DUSP28: variants seen among roughly 807,000 people sequenced by gnomAD.
The protein encoded by DUSP28 is dual specificity phosphatase 28.
Under a neutral mutation model 8.4 loss-of-function variants are expected in DUSP28, and 11 were observed. The observed-to-expected ratio is 1.31, with a 90% confidence interval of 0.83 to 2.17. The LOEUF (loss-of-function observed/expected upper bound fraction) is 2.17. Ranked by LOEUF, DUSP28 falls within the 30% of genes most tolerant of loss-of-function variation. The pLI is 0.00. For missense variants in DUSP28, 373 were observed against 270.4 expected, an observed-to-expected ratio of 1.38 and a Z score of -2.66; for synonymous variants, 178 against 130.9, an observed-to-expected ratio of 1.36 and a Z score of -2.46.
In DUSP28 at chr2:240,561,629, T is replaced by G. The variant is rs1322236738; in HGVS notation, c.*162T>G. 5 of 955,182 alleles carry G rather than the reference T, an allele frequency of 5.2e-6. No individual in the cohort carries two copies. In the South Asian group the frequency reaches 1.1e-4, roughly 22 times the overall value. 59.2% of individuals were successfully genotyped at this position (955,182 alleles called of 1,614,324 possible). ...ATTTCCGGCTGAGGTGATGCACAAA[T>G]TATCTTACAGACACAAAAAGAAATA... On this transcript the variant is annotated 3_prime_UTR_variant, in exon 2 of 2. Transcript: ENST00000405954.
Position 240,561,540 on chromosome 2 carries a change from C to T in DUSP28, c.*73C>T. The T allele has an allele frequency of 6.6e-7, 1 of 1,510,950 alleles. No homozygotes were observed. The highest frequency in any genetic ancestry group is 8.8e-7 in the Non-Finnish European group (1 of 1,130,730). The allele number at this position is 1,510,950 out of a possible 1,614,324, so 93.6% of individuals were successfully genotyped here. On this transcript the variant is annotated 3_prime_UTR_variant, in exon 2 of 2. Coordinates refer to ENST00000405954, the MANE Select transcript of DUSP28 (RefSeq NM_001370465.2). Reference sequence around the variant, plus strand: ...AGAAGGCTGGTCTTTACCCTTCTTCCTCACTGTCATATCGAGTTTTCCTTT... The same window carrying T: ...AGAAGGCTGGTCTTTACCCTTCTTCTTCACTGTCATATCGAGTTTTCCTTT...
Position 240,560,547 on chromosome 2 carries a change from C to T in DUSP28, c.-138C>T. 2 of 1,230,724 alleles carry T rather than the reference C, an allele frequency of 1.6e-6. No homozygotes were observed. Among genetic ancestry groups the T allele is most frequent in the Non-Finnish European group, 2.1e-6 (2 of 963,336 alleles). 76.2% of individuals were successfully genotyped at this position (1,230,724 alleles called of 1,614,324 possible). On this transcript the variant is annotated 5_prime_UTR_variant, in exon 1 of 2. Transcript: ENST00000405954. Reference sequence around the variant, plus strand: ...CGCCCGCGGGGGACCCAAGCCCCAGCCTGGTCCACCTCGGAGGCCTCTAGG... The same window carrying T: ...CGCCCGCGGGGGACCCAAGCCCCAGTCTGGTCCACCTCGGAGGCCTCTAGG...
In DUSP28 at chr2:240,561,597, AT is replaced by A; in HGVS notation, c.*134del. 1 of 1,220,530 alleles carries A rather than the reference AT, an allele frequency of 8.2e-7. No homozygotes were observed. The highest frequency in any genetic ancestry group is 1.1e-6 in the Non-Finnish European group (1 of 926,056). The allele number at this position is 1,220,530 out of a possible 1,614,324, so 75.6% of individuals were successfully genotyped here. ...GTGTGTGTGAAACATAGTGCTTTTAATTTTATATTTCCGGCTGAGGTGATGC... is the reference window on the plus strand; with the variant it reads ...GTGTGTGTGAAACATAGTGCTTTTAATTTATATTTCCGGCTGAGGTGATGC... On this transcript the variant is annotated 3_prime_UTR_variant, in exon 2 of 2. Transcript: ENST00000405954.
In DUSP28 at chr2:240,560,444, C is replaced by T. The variant is rs2092869735; in HGVS notation, c.-241C>T. ...ACATGGGACGCAGAGCGGTCCAAGG[C>T]CCCGGCGCCCTGGTGAGGCCCAAAC... On this transcript the variant is annotated 5_prime_UTR_variant, in exon 1 of 2. Coordinates refer to ENST00000405954, the MANE Select transcript of DUSP28 (RefSeq NM_001370465.2). 2 of 478,720 alleles carry T rather than the reference C, an allele frequency of 4.2e-6. No homozygotes were observed. The highest frequency in any genetic ancestry group is 6.6e-6 in the Non-Finnish European group (2 of 301,048). The allele number at this position is 478,720 out of a possible 1,614,324, so 29.7% of individuals were successfully genotyped here.
In DUSP28 at chr2:240,561,318, T is replaced by A; in HGVS notation, c.394-12T>A. 1 of 1,613,786 alleles carries A rather than the reference T, an allele frequency of 6.2e-7. No individual in the cohort carries two copies. Among genetic ancestry groups the A allele is most frequent in the Non-Finnish European group, 8.5e-7 (1 of 1,180,014 alleles). ...GCGACTTGGGGTTATTCAGTACACT[T>A]CTTGTTTGCAGATGGTGAAGAGCGC... On this transcript the variant is annotated splice_polypyrimidine_tract_variant and intron_variant, in intron 1 of 1. Coordinates refer to ENST00000405954, the MANE Select transcript of DUSP28 (RefSeq NM_001370465.2).
At position 240,561,052 on chromosome 2, in the gene DUSP28, G is replaced by C; in HGVS notation, c.368G>C (p.Gly123Ala). ...VCTAYLMRHRGLSLAKAFQMV... is the reference protein window; with the variant it reads ...VCTAYLMRHRALSLAKAFQMV... ...ACCGCGTACCTCATGCGGCACCGCG[G>C]CCTCAGCCTGGCGAAGGCCTTCCAG... Residue 123 changes from glycine (G) to alanine (A), a missense_variant, in exon 1 of 2, where the codon GGC (glycine) becomes GCC (alanine). Coordinates refer to ENST00000405954, the MANE Select transcript of DUSP28 (RefSeq NM_001370465.2). The C allele has an allele frequency of 1.3e-6, 2 of 1,502,796 alleles. No homozygotes were observed. Among genetic ancestry groups the C allele is most frequent in the African/African-American group, 1.4e-5 (1 of 71,680 alleles). 93.1% of individuals were successfully genotyped at this position (1,502,796 alleles called of 1,614,324 possible). A position where few individuals can be genotyped will look rare whatever the true frequency, so the allele number is the denominator to read the frequency against.
chr2:240,560,828 C>T lies in DUSP28; in HGVS notation c.144C>T (p.Cys48=), dbSNP rs1423593735. Residue 48 remains cysteine, a synonymous_variant, in exon 1 of 2, where the codon TGC becomes TGT. Transcript: ENST00000405954. ...TGGCGCGCGCGGGAGTCACGCTGTG[C>T]GTCAACGTCTCCCGCCAGCAGCCCG... ...EQLARAGVTL[C]VNVSRQQPGP... is the part of the protein sequence containing the mutation. 4 of 1,418,488 alleles carry T rather than the reference C, an allele frequency of 2.8e-6. No homozygotes were observed. 87.9% of individuals were successfully genotyped at this position (1,418,488 alleles called of 1,614,324 possible). A position where few individuals can be genotyped will look rare whatever the true frequency, so the allele number is the denominator to read the frequency against.
At position 240,560,973 on chromosome 2, in the gene DUSP28, G is replaced by A; in HGVS notation, c.289G>A (p.Gly97Ser). The part of the protein sequence containing the change: ...AAMEAAVRAG[G>S]ACLVYCKNGR... ...CATGGAGGCCGCGGTGCGCGCCGGC[G>A]GCGCCTGCCTAGTCTACTGCAAGAA... Residue 97 changes from glycine (G) to serine (S), a missense_variant, in exon 1 of 2, where the codon GGC becomes AGC. Gly to Ser is a moderately conservative substitution (Grantham distance 56). Transcript: ENST00000405954. The A allele has an allele frequency of 1.3e-6, 2 of 1,519,002 alleles. No individual in the cohort carries two copies. Among genetic ancestry groups the A allele is most frequent in the East Asian group, 2.7e-5 (1 of 37,560 alleles). The allele number at this position is 1,519,002 out of a possible 1,614,324, so 94.1% of individuals were successfully genotyped here. A position where few individuals can be genotyped will look rare whatever the true frequency, so the allele number is the denominator to read the frequency against.
chr2:240,560,721 T>C lies in DUSP28; in HGVS notation c.37T>C (p.Ser13Pro). 3 of 1,525,132 alleles carry C rather than the reference T, an allele frequency of 2.0e-6. No individual in the cohort carries two copies. The highest frequency in any genetic ancestry group is 2.6e-6 in the Non-Finnish European group (3 of 1,148,354). 94.5% of individuals were successfully genotyped at this position (1,525,132 alleles called of 1,614,324 possible). Residue 13 changes from serine (S) to proline (P), a missense_variant, in exon 1 of 2, where the codon TCG becomes CCG. Coordinates refer to ENST00000405954, the MANE Select transcript of DUSP28 (RefSeq NM_001370465.2). ...PAEAGRRGAA[S>P]PVPPPLVRVA... is the part of the protein sequence containing the mutation. ...AGAAGCTGGGCGCCGCGGGGCCGCC[T>C]CGCCCGTACCTCCACCGTTGGTGCG...
At position 240,562,571 on chromosome 2, in the gene DUSP28, T is replaced by C. The variant is rs548487016; in HGVS notation, c.*1104T>C. ...TGGTAGATTATAATATTTCCAGGGA[T>C]AACAGTGTGGCACACAGATAACAGG... On this transcript the variant is annotated 3_prime_UTR_variant, in exon 2 of 2. Coordinates refer to ENST00000405954, the MANE Select transcript of DUSP28 (RefSeq NM_001370465.2). 3.1e-4 allele frequency: 47 copies of C among 152,342 alleles called. No individual in the cohort carries two copies. The highest frequency in any genetic ancestry group is 1.1e-3 in the African/African-American group (46 of 41,584). The allele number at this position is 152,342 out of a possible 1,614,324, so 9.4% of individuals were successfully genotyped here. A position where few individuals can be genotyped will look rare whatever the true frequency, so the allele number is the denominator to read the frequency against.
chr2:240,561,519 G>A lies in DUSP28; in HGVS notation c.*52G>A, dbSNP rs772520331. On this transcript the variant is annotated 3_prime_UTR_variant, in exon 2 of 2. Coordinates refer to ENST00000405954, the MANE Select transcript of DUSP28 (RefSeq NM_001370465.2). ...AGGATGTCCCTGCACTGATACAGAAGGCTGGTCTTTACCCTTCTTCCTCAC... is the reference window on the plus strand; with the variant it reads ...AGGATGTCCCTGCACTGATACAGAAAGCTGGTCTTTACCCTTCTTCCTCAC... The A allele has an allele frequency of 2.5e-5, 39 of 1,564,002 alleles. No individual in the cohort carries two copies. Among genetic ancestry groups the A allele is most frequent in the Non-Finnish European group, 3.4e-5 (39 of 1,156,374 alleles).
At position 240,561,487 on chromosome 2, in the gene DUSP28, T is replaced by C. The variant is rs751173364; in HGVS notation, c.*20T>C. 6.2e-7 allele frequency: 1 copy of C among 1,608,070 alleles called. No individual in the cohort carries two copies. The highest frequency in any genetic ancestry group is 2.2e-5 in the East Asian group (1 of 44,768). ...GCTTGAAGCTTGAAGGCCTGCTGCC[T>C]GGAGGAAGGATGTCCCTGCACTGAT... On this transcript the variant is annotated 3_prime_UTR_variant, in exon 2 of 2. Transcript: ENST00000405954.
chr2:240,560,979 T>C lies in DUSP28; in HGVS notation c.295T>C (p.Cys99Arg), dbSNP rs762702910. 6.5e-7 allele frequency: 1 copy of C among 1,529,894 alleles called. No homozygotes were observed. The highest frequency in any genetic ancestry group is 8.7e-7 in the Non-Finnish European group (1 of 1,151,902). 94.8% of individuals were successfully genotyped at this position (1,529,894 alleles called of 1,614,324 possible). Residue 99 changes from cysteine (C) to arginine (R), a missense_variant, in exon 1 of 2, where the codon TGC (cysteine) becomes CGC (arginine). Physicochemically the swap from Cys to Arg is radical, Grantham distance 180. Transcript: ENST00000405954. ...MEAAVRAGGA[C>R]LVYCKNGRSR... Reference sequence around the variant, plus strand: ...GGCCGCGGTGCGCGCCGGCGGCGCCTGCCTAGTCTACTGCAAGAACGGCCG... The same window carrying C: ...GGCCGCGGTGCGCGCCGGCGGCGCCCGCCTAGTCTACTGCAAGAACGGCCG...
At position 240,564,453 on chromosome 2, in the gene DUSP28, G is replaced by GTC. The variant is rs1273209020; in HGVS notation, c.*2988_*2989dup. On this transcript the variant is annotated 3_prime_UTR_variant, in exon 2 of 2. Coordinates refer to ENST00000405954, the MANE Select transcript of DUSP28 (RefSeq NM_001370465.2). ...GTCCCCTCTTGCTGGTGGGGCAAGG[G>GTC]TCTGCGCATCAGACCACATGGACCC... 7.9e-5 allele frequency among the ~76,000 whole-genome samples: 12 copies of GTC among 152,242 alleles called. No homozygotes were observed. Among genetic ancestry groups the GTC allele is most frequent in the African/African-American group, 2.9e-4 (12 of 41,456 alleles).
At position 240,562,010 on chromosome 2, in the gene DUSP28, G is replaced by C. The variant is rs2125439087; in HGVS notation, c.*543G>C. On this transcript the variant is annotated 3_prime_UTR_variant, in exon 2 of 2. Transcript: ENST00000405954. ...GATTGGGGAATTATTCTCTTCATCA[G>C]CCCCTCTGCAATACAGCTGGAGCTG... 1 of 152,968 alleles carries C rather than the reference G, an allele frequency of 6.5e-6. No individual in the cohort carries two copies. The highest frequency in any genetic ancestry group is 6.5e-5 in the Admixed American group (1 of 15,312). The allele number at this position is 152,968 out of a possible 1,614,324, so 9.5% of individuals were successfully genotyped here.
rs770754483 is a variant in DUSP28 at position 240,560,969 on chromosome 2, C to T, written c.285C>T (p.Ala95=). The T allele has an allele frequency of 4.0e-6, 6 of 1,517,182 alleles. No individual in the cohort carries two copies. In the South Asian group the frequency reaches 7.3e-5, roughly 18 times the overall value. The allele number at this position is 1,517,182 out of a possible 1,614,324, so 94.0% of individuals were successfully genotyped here. The change falls in exon 1 of 2, where the codon GCC becomes GCT. Residue 95 remains alanine (A), a synonymous_variant. Coordinates refer to ENST00000405954, the MANE Select transcript of DUSP28 (RefSeq NM_001370465.2). ...CCGCCATGGAGGCCGCGGTGCGCGCCGGCGGCGCCTGCCTAGTCTACTGCA... is the reference window on the plus strand; with the variant it reads ...CCGCCATGGAGGCCGCGGTGCGCGCTGGCGGCGCCTGCCTAGTCTACTGCA... ...TCAAMEAAVR[A]GGACLVYCKN... is the part of the protein sequence containing the mutation.
chr2:240,561,274 G>T lies in DUSP28; in HGVS notation c.394-56G>T, dbSNP rs530346082. The T allele has an allele frequency of 7.4e-6, 12 of 1,611,442 alleles. No individual in the cohort carries two copies. The Admixed American group carries it at 1.8e-4, about 25-fold the overall frequency. On this transcript the variant is annotated intron_variant, in intron 1 of 1. Transcript: ENST00000405954. The stretch of plus-strand genomic sequence containing the variant: ...CACTCTTACAGCTGGGCCCGCCTTG[G>T]CCCCTGCTGGCCATTAGCGCGACTT...
At position 240,560,886 on chromosome 2, in the gene DUSP28, G is replaced by A. The variant is rs997353268; in HGVS notation, c.202G>A (p.Val68Met). The change falls in exon 1 of 2, where the codon GTG becomes ATG. Residue 68 changes from valine (V) to methionine (M), a missense_variant. Physicochemically the swap from Val to Met is conservative, Grantham distance 21 (BLOSUM62 1). Coordinates refer to ENST00000405954, the MANE Select transcript of DUSP28 (RefSeq NM_001370465.2). Reference protein sequence around the residue: ...PRAPGVAELRVPVFDDPAEDL... With the variant: ...PRAPGVAELRMPVFDDPAEDL... ...CGCGCCCGGCGTGGCAGAGCTGCGC[G>A]TGCCCGTGTTCGACGACCCGGCTGA... 9.3e-6 allele frequency: 14 copies of A among 1,511,154 alleles called. No individual in the cohort carries two copies. The East Asian group carries it at 3.6e-4, about 39-fold the overall frequency. The allele number at this position is 1,511,154 out of a possible 1,614,324, so 93.6% of individuals were successfully genotyped here.
At position 240,563,325 on chromosome 2, in the gene DUSP28, C is replaced by T. The variant is rs960285032; in HGVS notation, c.*1858C>T. 1 of 152,278 alleles carries T rather than the reference C, an allele frequency of 6.6e-6. No homozygotes were observed. The highest frequency in any genetic ancestry group is 1.9e-4 in the East Asian group (1 of 5,194). The allele number at this position is 152,278 out of a possible 1,614,324, so 9.4% of individuals were successfully genotyped here. A position where few individuals can be genotyped will look rare whatever the true frequency, so the allele number is the denominator to read the frequency against. On this transcript the variant is annotated 3_prime_UTR_variant, in exon 2 of 2. Coordinates refer to ENST00000405954, the MANE Select transcript of DUSP28 (RefSeq NM_001370465.2). The stretch of plus-strand genomic sequence containing the variant: ...CATGCCATTCTCGTCCTTCAGCCTC[C>T]TGAGTGGCTGGGATTACAGGCGCCC...
Sources: allele counts gnomAD v4.1 joint callset (sites outside exome capture counted in the v4.1 genomes callset), GRCh38; gene constraint gnomAD v4.1.1; transcripts MANE v1.5; gene names NCBI Gene and HGNC (gene_info 2026-07-23, HGNC 2026-07-21).